The following TBC1D16 variants were observed in gnomAD, a reference collection of about 807,000 sequenced individuals.
TBC1D16 encodes CTD-2529O21.1.
TBC1D16 carries 58 observed loss-of-function variants against 74.7 expected under a neutral mutation model. The observed-to-expected ratio is 0.78, with a 90% CI of 0.63 to 0.97. TBC1D16 has a LOEUF of 0.97. TBC1D16 is among the 50% of genes least tolerant of loss of function. The probability of loss-of-function intolerance (pLI) is 0.00; values close to 1 mark genes in which losing one functional copy is unlikely to be tolerated. For missense variants in TBC1D16, 1,014 were observed against 1,079.5 expected, an observed-to-expected ratio of 0.94 and a Z score of 0.85; for synonymous variants, 493 against 474.7, an observed-to-expected ratio of 1.04 and a Z score of -0.50.
chr17:80,017,865 C>A (rs2036147054), intron 1 of TBC1D16, among the ~76,000 whole-genome samples: 1 of 152,132 alleles, frequency 6.6e-6, no homozygotes, highest in Non-Finnish European at 1.5e-5. Context: ...CTCCAGGAAG[C>A]CTTCTGGCCA....
chr17:80,006,237 TC>T lies in TBC1D16; in HGVS notation c.779+3922del, dbSNP rs768353634. Among the ~76,000 whole-genome samples, 176 of 152,066 alleles carry T rather than the reference TC, an allele frequency of 1.2e-3. 3 individuals carry two copies. Among genetic ancestry groups the T allele is most frequent in the Admixed American group, 5.0e-3 (76 of 15,268 alleles). On this transcript the variant is annotated intron_variant, in intron 3 of 11. Transcript: ENST00000310924. ...CTTTCTCTCTTTCTTTCTCTCTCTC[TC>T]TCTCTCTCTCAGCCCCTTCACAGCA...
intron 3 of TBC1D16, among the ~76,000 whole-genome samples, chr17:80,003,967 C>T (rs942509512): frequency 5.3e-5 from 8 of 152,230 alleles, no homozygotes; most frequent in African/African-American, 1.4e-4. Flanking sequence ...GAGGATCGCT[C>T]GAGCCCGGGA....
At chr17:80,032,966 A>G (rs2036825347) in intron 1 of TBC1D16, among the ~76,000 whole-genome samples, 1 of 152,178 alleles carries the variant, frequency 6.6e-6, no homozygotes, top group Non-Finnish European at 1.5e-5. Context: ...TGCTCCCCAT[A>G]GCATCCTGCA....
intron 1 of TBC1D16, among the ~76,000 whole-genome samples, chr17:80,029,946 G>C (rs564853051): frequency 9.9e-5 from 15 of 151,888 alleles, no homozygotes; most frequent in Non-Finnish European, 1.6e-4. Context: ...CCTTGCTCTC[G>C]ACCCCTTCCT....
chr17:80,024,563 C>CCACACACCATA (rs1568648663), intron 1 of TBC1D16, among the ~76,000 whole-genome samples: 8 of 59,202 alleles, frequency 1.4e-4, no homozygotes, highest in South Asian at 4.9e-4. Context: ...ACACCACACA[C>CCACACACCATA]GACACACCAT....
Position 80,009,607 on chromosome 17 carries a change from C to T in TBC1D16, c.779+553G>A, listed in dbSNP as rs565969532. ...GTCAACACTGCCCCGGGACTACATC[C>T]ATCCTCCACAGCTATGAGAAAGAGG... On this transcript the variant is annotated intron_variant, in intron 3 of 11. Transcript: ENST00000310924. The surrounding 1 kb of genome is among the most constrained non-coding windows in gnomAD (Gnocchi z 5.4). 3.3e-4 allele frequency among the ~76,000 whole-genome samples: 51 copies of T among 152,362 alleles called. No homozygotes were observed. The highest frequency in any genetic ancestry group is 3.4e-3 in the Middle Eastern group (1 of 294).
chr17:80,030,861 C>T (rs1175268723), intron 1 of TBC1D16, among the ~76,000 whole-genome samples: 3 of 152,248 alleles, frequency 2.0e-5, no homozygotes, highest in Non-Finnish European at 2.9e-5. Flanking sequence ...AGGAGCAACA[C>T]GCACTGAGCC....
rs910085043 is a variant in TBC1D16 at position 79,942,161 on chromosome 17, AGATGGCCAC to A, written c.1945_1953del (p.Val649_Ile651del). 13 of 1,609,408 alleles carry A rather than the reference AGATGGCCAC, an allele frequency of 8.1e-6. No individual in the cohort carries two copies. The highest frequency in any genetic ancestry group is 1.7e-5 in the Admixed American group (1 of 59,682). The stretch of plus-strand genomic sequence containing the variant: ...TGCTGCTCGATGACGTCATCCCCGT[AGATGGCCAC>A]GATGGCCACGCAGATGAAAAGGTGG... On this transcript the variant is annotated inframe_deletion, in exon 11 of 12. Transcript: ENST00000310924.
chr17:80,025,077 A>AC (rs1568649749), intron 1 of TBC1D16, among the ~76,000 whole-genome samples: 20,796 of 26,090 alleles, frequency 0.8, 8,716 homozygotes, highest in Admixed American at 0.86. Context: ...ACACACACAC[A>AC]CATACCATGA....
chr17:79,985,903 CT>C lies in TBC1D16; in HGVS notation c.779+24256del, dbSNP rs2034816770. ...GGACCAAATCAGGGGCCCTCTGCTA[CT>C]ACCAAACTCTCCCGGCAAAGCTTAA... On this transcript the variant is annotated intron_variant, in intron 3 of 11. Transcript: ENST00000310924. This position sits in a 1 kb window ranked among gnomAD's most constrained non-coding sequence, Gnocchi z 4.9. Among the ~76,000 whole-genome samples the C allele has an allele frequency of 6.6e-6, 1 of 152,194 alleles. No homozygotes were observed. The highest frequency in any genetic ancestry group is 1.5e-5 in the Non-Finnish European group (1 of 68,036).
At position 79,950,925 on chromosome 17, in the gene TBC1D16, C is replaced by A; in HGVS notation, c.1090-347G>T. The A allele has an allele frequency of 2.3e-6, 3 of 1,332,498 alleles. No homozygotes were observed. Among genetic ancestry groups the A allele is most frequent in the Admixed American group, 2.6e-5 (1 of 38,822 alleles). 82.5% of individuals were successfully genotyped at this position (1,332,498 alleles called of 1,614,324 possible). A position where few individuals can be genotyped will look rare whatever the true frequency, so the allele number is the denominator to read the frequency against. On this transcript the variant is annotated intron_variant, in intron 5 of 11. Coordinates refer to ENST00000310924, the MANE Select transcript of TBC1D16 (RefSeq NM_019020.4). The surrounding 1 kb of genome is among the most constrained non-coding windows in gnomAD (Gnocchi z 4.6). Reference sequence around the variant, plus strand: ...TGAATTACATGTGATTGGCCACATACAAAGGGATCGCTGTTCTGCGAGCAG... The same window carrying A: ...TGAATTACATGTGATTGGCCACATAAAAAGGGATCGCTGTTCTGCGAGCAG...
Position 80,010,321 on chromosome 17 carries a change from G to C in TBC1D16, c.618C>G (p.Ala206=). The change falls in exon 3 of 12, where the codon GCC becomes GCG. Residue 206 remains alanine (A), a synonymous_variant. Coordinates refer to ENST00000310924, the MANE Select transcript of TBC1D16 (RefSeq NM_019020.4). The surrounding 1 kb of genome is among the most constrained non-coding windows in gnomAD (Gnocchi z 8.8). ...GTTCCAAAGAGCCATCCTCCTCCCC[G>C]GCCTCGGGCCGCGGCTCCCGCCCCT... ...TEEGREPRPE[A]GEEDGSLELS... 6.2e-7 allele frequency: 1 copy of C among 1,611,044 alleles called. No homozygotes were observed. Among genetic ancestry groups the C allele is most frequent in the African/African-American group, 1.3e-5 (1 of 74,968 alleles).
rs947482861 is a variant in TBC1D16 at position 79,933,056 on chromosome 17, G to C, written c.*7803C>G. The C allele has an allele frequency of 1.3e-5, 2 of 152,248 alleles. No individual in the cohort carries two copies. The highest frequency in any genetic ancestry group is 2.9e-5 in the Non-Finnish European group (2 of 68,054). 9.4% of individuals were successfully genotyped at this position (152,248 alleles called of 1,614,324 possible). A position where few individuals can be genotyped will look rare whatever the true frequency, so the allele number is the denominator to read the frequency against. On this transcript the variant is annotated 3_prime_UTR_variant, in exon 12 of 12. Coordinates refer to ENST00000310924, the MANE Select transcript of TBC1D16 (RefSeq NM_019020.4). ...CCCAAAGATCTGGTTGTTCTCTTGA[G>C]ATGCAGAGAGGAGGCCCACAGGTGG...
intron 1 of TBC1D16, among the ~76,000 whole-genome samples, chr17:80,021,272 C>G (rs1221705289): frequency 6.7e-6 from 1 of 148,372 alleles, no homozygotes; most frequent in Non-Finnish European, 1.5e-5. Context: ...AACAAACAAA[C>G]AAACCAGCCT....
At position 79,981,066 on chromosome 17, in the gene TBC1D16, T is replaced by C. The variant is rs1013596550; in HGVS notation, c.780-28248A>G. Among the ~76,000 whole-genome samples the C allele has an allele frequency of 1.3e-5, 2 of 152,246 alleles. No homozygotes were observed. The highest frequency in any genetic ancestry group is 3.8e-4 in the East Asian group (2 of 5,200). Reference sequence around the variant, plus strand: ...GGCTACTCATTTATATTCATTTAAATTCCATCCACACACTTGTCACAGCAA... The same window carrying C: ...GGCTACTCATTTATATTCATTTAAACTCCATCCACACACTTGTCACAGCAA... On this transcript the variant is annotated intron_variant, in intron 3 of 11. Transcript: ENST00000310924. The surrounding 1 kb of genome is among the most constrained non-coding windows in gnomAD (Gnocchi z 6.9).
chr17:79,932,614 G>A lies in TBC1D16; in HGVS notation c.*8245C>T, dbSNP rs1211864779. ...AATTCACATTGACTTGTAGCCACTA[G>A]GACCCTGTGTCTTTTTCTATTGTGC... On this transcript the variant is annotated 3_prime_UTR_variant, in exon 12 of 12. Coordinates refer to ENST00000310924, the MANE Select transcript of TBC1D16 (RefSeq NM_019020.4). 1 of 152,182 alleles carries A rather than the reference G, an allele frequency of 6.6e-6. No homozygotes were observed. Among genetic ancestry groups the A allele is most frequent in the African/African-American group, 2.4e-5 (1 of 41,432 alleles). 9.4% of individuals were successfully genotyped at this position (152,182 alleles called of 1,614,324 possible).
At chr17:80,012,286 G>C (rs2035925022) in intron 2 of TBC1D16, among the ~76,000 whole-genome samples, 1 of 152,114 alleles carries the variant, frequency 6.6e-6, no homozygotes, top group Non-Finnish European at 1.5e-5. Context: ...GCTACTCCCT[G>C]GTCTCTCTCT....
In TBC1D16 at chr17:79,951,558, G is replaced by A; in HGVS notation, c.981C>T (p.Ser327=). The A allele has an allele frequency of 1.2e-6, 2 of 1,614,000 alleles. No homozygotes were observed. Among genetic ancestry groups the A allele is most frequent in the Non-Finnish European group, 1.7e-6 (2 of 1,179,964 alleles). Residue 327 remains serine, a synonymous_variant, in exon 5 of 12, where the codon AGC becomes AGT. Transcript: ENST00000310924. ...GGAAAACCTTGTACTGGCTCTCTCG[G>A]CTGGCAACGACCAGCTGGCCGCTGG... ...ACTSGQLVVA[S]RESQYKVFHF... is the part of the protein sequence containing the mutation.
rs1222525817 is a variant in TBC1D16, at chr17:79,938,539, G to A, written c.*2320C>T. ...CAAACACAGCGGTTCAAAGGCACGA[G>A]GTATCTAGTGAAATGCTAGGACCAG... On this transcript the variant is annotated 3_prime_UTR_variant, in exon 12 of 12. Coordinates refer to ENST00000310924, the MANE Select transcript of TBC1D16 (RefSeq NM_019020.4). The A allele has an allele frequency of 6.6e-6, 1 of 152,334 alleles. No homozygotes were observed. Among genetic ancestry groups the A allele is most frequent in the Non-Finnish European group, 1.5e-5 (1 of 68,130 alleles). 9.4% of individuals were successfully genotyped at this position (152,334 alleles called of 1,614,324 possible).
Sources: gnomAD v4.1 joint callset for allele counts (sites outside exome capture counted in the v4.1 genomes callset) on GRCh38, gnomAD v4.1.1 for gene constraint, Gnocchi (gnomAD v3.1) non-coding constraint, MANE v1.5 for transcripts, NCBI Gene and HGNC (gene_info 2026-07-23, HGNC 2026-07-21) for gene names.